MLKL: variants seen among roughly 807,000 people sequenced by gnomAD.
MLKL encodes the protein mixed lineage kinase domain-like protein.
MLKL carries 55 observed loss-of-function variants against 56.5 expected under a neutral mutation model. That is an observed-to-expected ratio of 0.97 (90% CI 0.78 to 1.22). The LOEUF (loss-of-function observed/expected upper bound fraction) is 1.22. Among genes scored for constraint, MLKL ranks in the 50% most tolerant of loss-of-function variants. The pLI is 0.00. For synonymous variants in MLKL, 251 were observed against 208.3 expected (o/e 1.20, Z -1.76); for missense variants, 694 against 573.9 (o/e 1.21, Z -2.14).
chr16:74,675,583 G>A lies in MLKL; in HGVS notation c.1190+30C>T, dbSNP rs767662284. 5 of 1,603,770 alleles carry A rather than the reference G, an allele frequency of 3.1e-6. No homozygotes were observed. The Admixed American group carries it at 6.7e-5, about 22-fold the overall frequency. ...GGGTTTTCCTATTATGCACATCTGAGTTAGAATCTGTACCAGAACGTGAGT... is the reference window on the plus strand; with the variant it reads ...GGGTTTTCCTATTATGCACATCTGAATTAGAATCTGTACCAGAACGTGAGT... On this transcript the variant is annotated intron_variant, in intron 8 of 10. Transcript: ENST00000308807.
intron 6 of MLKL, among the ~76,000 whole-genome samples, chr16:74,682,425 A>G (rs752496676): frequency 6.6e-6 from 1 of 152,164 alleles, no homozygotes; most frequent in Non-Finnish European, 1.5e-5. Context: ...ATCCAACTCT[A>G]TAAGTGCAGT....
At chr16:74,682,096 A>T (rs987190347) in intron 6 of MLKL, among the ~76,000 whole-genome samples, 10 of 94,716 alleles carry the variant, frequency 1.1e-4, no homozygotes, top group Admixed American at 2.1e-4. Context: ...AAATATATAT[A>T]AAAAAAAAAC....
At chr16:74,680,427 G>A (rs1395523970) in intron 6 of MLKL, among the ~76,000 whole-genome samples, 11 of 152,138 alleles carry the variant, frequency 7.2e-5, no homozygotes, top group African/African-American at 2.4e-4. Context: ...TCTCCTTTCA[G>A]TTTGCTCCAG....
intron 4 of MLKL, among the ~76,000 whole-genome samples, chr16:74,688,247 G>T (rs1960457140): frequency 6.6e-6 from 1 of 152,170 alleles, no homozygotes; most frequent in South Asian, 2.1e-4. Flanking sequence ...TAGGATTACA[G>T]ATGTGAGCTG....
chr16:74,690,452 G>A (rs1179377056), intron 4 of MLKL, among the ~76,000 whole-genome samples: 1 of 152,020 alleles, frequency 6.6e-6, no homozygotes, highest in African/African-American at 2.4e-5. Context: ...GCATCTTTTT[G>A]GTGGGGAAAA....
chr16:74,675,324 C>T (rs2144444168), intron 9 of MLKL, 31 bp downstream of exon 9: 2 of 1,614,012 alleles, frequency 1.2e-6, no homozygotes, highest in East Asian at 4.5e-5. Flanking sequence ...CCAACCTCAC[C>T]ACTGGCTGAG....
intron 1 of MLKL, among the ~76,000 whole-genome samples, chr16:74,696,732 C>T (rs377445565): frequency 9.9e-5 from 15 of 151,326 alleles, no homozygotes; most frequent in Admixed American, 2.6e-4. Flanking sequence ...CTGAGGTGGG[C>T]GGATCACTTG....
chr16:74,674,481 G>A lies in MLKL; in HGVS notation c.1381+479C>T, dbSNP rs1044444627. Among the ~76,000 whole-genome samples, 3 of 150,962 alleles carry A rather than the reference G, an allele frequency of 2.0e-5. No individual in the cohort carries two copies. The South Asian group carries it at 6.3e-4, about 32-fold the overall frequency. The stretch of plus-strand genomic sequence containing the variant: ...ATTTTTTTTTTTGAGACGGAGTCTT[G>A]TTTTGTCACCCAGGCTGGAGTGCAG... On this transcript the variant is annotated intron_variant, in intron 10 of 10. Transcript: ENST00000308807.
intron 2 of MLKL, among the ~76,000 whole-genome samples, chr16:74,694,115 A>C (rs1468887228): frequency 2.0e-5 from 3 of 152,214 alleles, no homozygotes. Context: ...TGAGAAAAGA[A>C]GAAATAGAAC....
At chr16:74,681,928 A>G (rs1959998636) in intron 6 of MLKL, among the ~76,000 whole-genome samples, 1 of 152,196 alleles carries the variant, frequency 6.6e-6, no homozygotes, top group African/African-American at 2.4e-5. Flanking sequence ...TATAGGACAT[A>G]GTTGTACTAA....
At chr16:74,676,571 G>A (rs548924006) in intron 7 of MLKL, 3 of 649,888 alleles carry the variant, frequency 4.6e-6, no homozygotes, top group East Asian at 1.4e-4. Flanking sequence ...ATGAAAGGTG[G>A]AATAGCGCAT....
intron 1 of MLKL, among the ~76,000 whole-genome samples, chr16:74,699,927 G>T (rs1382890444): frequency 1.3e-5 from 2 of 151,974 alleles, no homozygotes; most frequent in East Asian, 3.9e-4. Context: ...GGGCAACAGA[G>T]GAAGACTCCA....
intron 10 of MLKL, among the ~76,000 whole-genome samples, chr16:74,673,090 T>G (rs1959333017): frequency 6.6e-6 from 1 of 152,180 alleles, no homozygotes; most frequent in South Asian, 2.1e-4. Context: ...TGAGAGGTTT[T>G]CCCAACAGAC....
chr16:74,674,691 T>C (rs977246469), intron 10 of MLKL, among the ~76,000 whole-genome samples: 2 of 151,940 alleles, frequency 1.3e-5, no homozygotes, highest in African/African-American at 4.8e-5. Context: ...GATCTGCCCA[T>C]CTCAGCCTCC....
At chr16:74,687,036 C>T (rs1960371967) in intron 4 of MLKL, among the ~76,000 whole-genome samples, 1 of 152,124 alleles carries the variant, frequency 6.6e-6, no homozygotes, top group African/African-American at 2.4e-5. Context: ...AGTGCAATGG[C>T]ATGATCTCGG....
At chr16:74,690,915 C>G (rs928810030) in intron 4 of MLKL, among the ~76,000 whole-genome samples, 2 of 150,720 alleles carry the variant, frequency 1.3e-5, no homozygotes, top group African/African-American at 4.9e-5. Context: ...AAGGAGGCAA[C>G]AGACACGTAA....
chr16:74,677,042 T>TTATTTATA (rs1329377566), intron 7 of MLKL: 2 of 143,592 alleles, frequency 1.4e-5, no homozygotes, highest in Non-Finnish European at 3.1e-5. Flanking sequence ...CAAATTTTTC[T>TTATTTATA]TATTTATTTA....
intron 1 of MLKL, among the ~76,000 whole-genome samples, chr16:74,699,067 C>G (rs183060493): frequency 1.3e-5 from 2 of 150,986 alleles, no homozygotes; most frequent in Non-Finnish European, 1.5e-5. Flanking sequence ...GAGCCGAGAT[C>G]ACACCACTGT....
chr16:74,695,318 G>C lies in MLKL; in HGVS notation c.440C>G (p.Ala147Gly). ...CTTGCCTCTTCTTAGCATCTGGAAA[G>C]CTCGCCTGTCTTCGTCTGCATCCTG... Reference protein sequence around the residue: ...DQQDADEDRRAFQMLRRDNEK... With the variant: ...DQQDADEDRRGFQMLRRDNEK... Residue 147 changes from alanine to glycine, a missense_variant, in exon 2 of 11, where the codon GCT becomes GGT. Physicochemically the swap from Ala to Gly is moderately conservative, Grantham distance 60 (BLOSUM62 0). Coordinates refer to ENST00000308807, the MANE Select transcript of MLKL (RefSeq NM_152649.4). 6.2e-7 allele frequency: 1 copy of C among 1,613,800 alleles called. No homozygotes were observed. Among genetic ancestry groups the C allele is most frequent in the Non-Finnish European group, 8.5e-7 (1 of 1,179,884 alleles).
Sources: allele counts gnomAD v4.1 joint callset (sites outside exome capture counted in the v4.1 genomes callset), GRCh38; gene constraint gnomAD v4.1.1; transcripts MANE v1.5; gene names NCBI Gene and HGNC (gene_info 2026-07-23, HGNC 2026-07-21).